Variants in LZTS2 observed in about 807,000 individuals in gnomAD.
LZTS2 encodes the protein leucine zipper tumor suppressor 2, also known as leucine zipper putative tumor suppressor 2.
In LZTS2, 32 loss-of-function variants were observed where a neutral mutation model predicts 60.6. The observed-to-expected ratio is 0.53, with a 90% confidence interval of 0.40 to 0.71. The LOEUF (loss-of-function observed/expected upper bound fraction) is 0.71. Ranked by LOEUF, LZTS2 falls within the 30% of genes least tolerant of loss-of-function variation. The pLI is 0.00. For synonymous variants in LZTS2, 360 were observed against 393.1 expected (o/e 0.92, Z 1.00); for missense variants, 792 against 901.9 (o/e 0.88, Z 1.56).
chr10:101,004,068 C>T (rs768897493), exon 2 of LZTS2: 1 of 1,613,382 alleles, frequency 6.2e-7, no homozygotes, highest in Admixed American at 1.7e-5. Flanking sequence ...GGATGAGGCC[C>T]TGCTGCACTG....
At chr10:101,006,518 A>G (rs1250341921) in exon 4 of LZTS2, 1 of 1,611,214 alleles carries the variant, frequency 6.2e-7, no homozygotes, top group Admixed American at 1.7e-5. Context: ...CTCCCTGCTG[A>G]AGCAGCAGCT....
At chr10:100,996,741 G>A (rs1851924835), upstream of LZTS2, 1 of 152,448 alleles carries the variant, frequency 6.6e-6, no homozygotes, top group Admixed American at 6.5e-5. Context: ...TGCTTCCCAG[G>A]GGTTGTCCCT....
At chr10:100,997,784 C>G (rs1422391052), upstream of LZTS2, among the ~76,000 whole-genome samples, 1 of 152,344 alleles carries the variant, frequency 6.6e-6, no homozygotes, top group African/African-American at 2.4e-5. Context: ...TGCTTGGTCC[C>G]AGGCCGGACG....
chr10:101,002,829 A>G (rs779162888), exon 1 of LZTS2: 7 of 1,613,768 alleles, frequency 4.3e-6, no homozygotes, highest in Non-Finnish European at 5.9e-6. Flanking sequence ...ACTTCCGGAC[A>G]GAGTCACCCC....
chr10:100,999,027 G>A (rs1851970069), upstream of LZTS2: 1 of 152,442 alleles, frequency 6.6e-6, no homozygotes, highest in Admixed American at 6.6e-5. Context: ...TCTGCCGTGA[G>A]GCTGGTGTAG....
chr10:101,006,974 GAGA>G lies in LZTS2; in HGVS notation c.1819_1821del (p.Lys607del), dbSNP rs1335056365. 1.9e-6 allele frequency: 3 copies of G among 1,551,350 alleles called. No homozygotes were observed. In the Admixed American group the frequency reaches 5.9e-5, roughly 30 times the overall value. The stretch of plus-strand genomic sequence containing the variant: ...GGGGGAGCGGCTGGCCTGGCAGGCA[GAGA>G]AGGAGCAGGTGATCCGCTACCAGAA... On this transcript the variant is annotated inframe_deletion, in exon 4 of 4. Coordinates refer to ENST00000370220, the Ensembl canonical transcript of LZTS2.
chr10:101,004,185 A>G lies in LZTS2; in HGVS notation c.1068+19A>G, dbSNP rs749391328. 1.3e-6 allele frequency: 2 copies of G among 1,580,346 alleles called. No homozygotes were observed. The highest frequency in any genetic ancestry group is 8.6e-7 in the Non-Finnish European group (1 of 1,156,810). On this transcript the variant is annotated intron_variant, in intron 2 of 3. Transcript: ENST00000370220. Reference sequence around the variant, plus strand: ...GTGCCAGGTGTGGTCAGAGGCAATGATGGGGAAGGGGCATGGCAGGACATC... The same window carrying G: ...GTGCCAGGTGTGGTCAGAGGCAATGGTGGGGAAGGGGCATGGCAGGACATC...
chr10:100,997,063 C>A (rs956752279), upstream of LZTS2: 3 of 152,668 alleles, frequency 2.0e-5, no homozygotes, highest in African/African-American at 7.2e-5. Context: ...CCCGCCCCGC[C>A]CCGCTCCACC....
intron 2 of LZTS2, 55 bp from the exon 4 acceptor site, chr10:101,005,392 AGAGCAGACACT>A: frequency 6.7e-7 from 1 of 1,488,024 alleles, no homozygotes; most frequent in South Asian, 1.3e-5. Context: ...GTGGGCTGCC[AGAGCAGACACT>A]GAGTGGGGAG....
At chr10:101,003,873 G>A in exon 2 of LZTS2, 1 of 1,613,068 alleles carries the variant, frequency 6.2e-7, no homozygotes, top group Non-Finnish European at 8.5e-7. Flanking sequence ...GGCACTGCCT[G>A]GGCCAGCCCG....
intron 1 of LZTS2, 100 bp from the exon 3 acceptor site, chr10:101,003,407 T>C: frequency 7.8e-7 from 1 of 1,275,044 alleles, no homozygotes; most frequent in Non-Finnish European, 1.1e-6. Flanking sequence ...GTTATGAATA[T>C]ATGGGCACTG....
intron 3 of LZTS2, among the ~76,000 whole-genome samples, 177 bp from the exon 5 acceptor site, chr10:101,006,308 A>G (rs1852191618): frequency 6.6e-6 from 1 of 152,170 alleles, no homozygotes; most frequent in African/African-American, 2.4e-5. Flanking sequence ...CTTTCCACTT[A>G]AGCCCCATCT....
chr10:100,997,544 G>A (rs537861069), upstream of LZTS2, among the ~76,000 whole-genome samples: 9 of 152,286 alleles, frequency 5.9e-5, no homozygotes, highest in Admixed American at 5.9e-4. Flanking sequence ...CGGACCCACA[G>A]CGGGCAGGGC....
chr10:101,007,172 C>T (rs941713093), exon 4 of LZTS2: 1 of 1,559,022 alleles, frequency 6.4e-7, no homozygotes, highest in Admixed American at 1.9e-5. Flanking sequence ...GATCTAGGGC[C>T]CTCAGCAACC....
exon 1 of LZTS2, chr10:101,002,401 G>A (rs924207303): frequency 2.1e-5 from 16 of 750,686 alleles, no homozygotes; most frequent in African/African-American, 7.2e-5. Flanking sequence ...GGGGATCAGG[G>A]CTTGTTACTG....
chr10:100,998,149 T>A (rs1851952468), upstream of LZTS2, among the ~76,000 whole-genome samples: 4 of 151,574 alleles, frequency 2.6e-5, no homozygotes, highest in South Asian at 4.2e-4. Context: ...AATACCAGAG[T>A]GGGCCTGCCC....
chr10:100,999,579 T>A (rs1483204865), exon 1 of LZTS2: 1 of 152,314 alleles, frequency 6.6e-6, no homozygotes, highest in African/African-American at 2.4e-5. Context: ...CGCCGCCGCG[T>A]CGAGCCGAAC....
exon 4 of LZTS2, chr10:101,007,339 C>T: frequency 7.1e-7 from 1 of 1,417,192 alleles, no homozygotes; most frequent in Non-Finnish European, 9.2e-7. Context: ...GGCCCTATGA[C>T]TTGGAGGAGC....
exon 4 of LZTS2, chr10:101,007,613 G>C (rs745886793): frequency 7.9e-7 from 1 of 1,258,782 alleles, no homozygotes; most frequent in Non-Finnish European, 1.0e-6. Context: ...GCCTGGGCTC[G>C]GTTCCCAGGT....
Sources: allele counts gnomAD v4.1 joint callset (sites outside exome capture counted in the v4.1 genomes callset), GRCh38; gene constraint gnomAD v4.1.1; transcripts MANE v1.5; gene names NCBI Gene and HGNC (gene_info 2026-07-23, HGNC 2026-07-21).